The following OXNAD1 variants were observed in gnomAD, a reference collection of about 807,000 sequenced individuals.
OXNAD1 encodes oxidoreductase NAD binding domain containing 1, also known as oxidoreductase NAD-binding domain-containing protein 1.
Under a neutral mutation model 32.9 loss-of-function variants are expected in OXNAD1, and 34 were observed. The ratio of observed to expected loss-of-function variants is 1.03; its 90% CI spans 0.79 to 1.38. The LOEUF is 1.38. Ranked by LOEUF, OXNAD1 falls within the 40% of genes most tolerant of loss-of-function variation. The pLI, the probability that OXNAD1 is intolerant of heterozygous loss-of-function variation, is 0.00. For synonymous variants in OXNAD1, 134 were observed against 135.2 expected, an observed-to-expected ratio of 0.99 and a Z score of 0.06; for missense variants, 407 against 379.4, an observed-to-expected ratio of 1.07 and a Z score of -0.60.
Position 16,324,613 on chromosome 3 carries a change from A to ACCCCC in OXNAD1, c.*31-12494_*31-12490dup, listed in dbSNP as rs111849488. Among the ~76,000 whole-genome samples, 108 of 90,794 alleles carry ACCCCC rather than the reference A, an allele frequency of 1.2e-3. 8 individuals carry two copies. Among genetic ancestry groups the ACCCCC allele is most frequent in the African/African-American group, 4.3e-3 (96 of 22,456 alleles). 59.6% of individuals were successfully genotyped at this position (90,794 alleles called of 152,430 possible). A position where few individuals can be genotyped will look rare whatever the true frequency, so the allele number is the denominator to read the frequency against. The stretch of plus-strand genomic sequence containing the variant: ...TGTAATAAATAACAGAATGTCCCTG[A>ACCCCC]CCCCCCCCCTTTTAAGGTTGCATAG... On this transcript the variant is annotated intron_variant, in intron 9 of 9. Transcript: ENST00000435829.
At chr3:16,306,845 G>A (rs1321754701), downstream of OXNAD1, among the ~76,000 whole-genome samples, 1 of 152,116 alleles carries the variant, frequency 6.6e-6, no homozygotes, top group Admixed American at 6.5e-5. Flanking sequence ...TATAATGTCT[G>A]TCCCACTTTT....
rs968049803 is a variant in OXNAD1 at position 16,322,026 on chromosome 3, G to A, written c.*31-15086G>A. Among the ~76,000 whole-genome samples, 1 of 152,216 alleles carries A rather than the reference G, an allele frequency of 6.6e-6. No individual in the cohort carries two copies. Among genetic ancestry groups the A allele is most frequent in the Non-Finnish European group, 1.5e-5 (1 of 68,044 alleles). Reference sequence around the variant, plus strand: ...CTCCCTCTGTAAGGCTGCAGCGGGTGTCTGTCAGCATCTGACAGGGGCCCT... The same window carrying A: ...CTCCCTCTGTAAGGCTGCAGCGGGTATCTGTCAGCATCTGACAGGGGCCCT... On this transcript the variant is annotated intron_variant, in intron 9 of 9. Coordinates refer to the OXNAD1 transcript ENST00000435829. The surrounding 1 kb of genome is among the most constrained non-coding windows in gnomAD (Gnocchi z 6.2).
chr3:16,306,194 TTTTA>T (rs1420896545), downstream of OXNAD1: 1 of 152,218 alleles, frequency 6.6e-6, no homozygotes, highest in Non-Finnish European at 1.5e-5. Flanking sequence ...CTTTCTCAGA[TTTTA>T]TTTATATTTT....
Position 16,334,710 on chromosome 3 carries a change from C to A in OXNAD1, c.*31-2402C>A, listed in dbSNP as rs914048968. Among the ~76,000 whole-genome samples the A allele has an allele frequency of 9.9e-5, 15 of 152,166 alleles. No individual in the cohort carries two copies. Among genetic ancestry groups the A allele is most frequent in the African/African-American group, 3.1e-4 (13 of 41,430 alleles). ...ACTAAATGAAACAGCCTGTGGTAGACAGAATAATGGCCCCAAAGATGTCTA... is the reference window on the plus strand; with the variant it reads ...ACTAAATGAAACAGCCTGTGGTAGAAAGAATAATGGCCCCAAAGATGTCTA... On this transcript the variant is annotated intron_variant, in intron 9 of 9. Coordinates refer to the OXNAD1 transcript ENST00000435829. The surrounding 1 kb of genome is among the most constrained non-coding windows in gnomAD (Gnocchi z 4.3).
intron 9 of OXNAD1, among the ~76,000 whole-genome samples, chr3:16,324,492 C>T (rs1362381986): frequency 6.6e-6 from 1 of 152,082 alleles, no homozygotes; most frequent in Non-Finnish European, 1.5e-5. Flanking sequence ...TTCTATGACT[C>T]AACTTTTTTA....
In OXNAD1 at chr3:16,334,133, C is replaced by G. The variant is rs1414300592; in HGVS notation, c.*31-2979C>G. Among the ~76,000 whole-genome samples the G allele has an allele frequency of 6.6e-6, 1 of 152,136 alleles. No homozygotes were observed. Among genetic ancestry groups the G allele is most frequent in the Non-Finnish European group, 1.5e-5 (1 of 68,028 alleles). On this transcript the variant is annotated intron_variant, in intron 9 of 9. Coordinates refer to the OXNAD1 transcript ENST00000435829. The surrounding 1 kb of genome is among the most constrained non-coding windows in gnomAD (Gnocchi z 4.3). ...TGAGCCGAGATCGTGCCACTGCACT[C>G]CAGCCTGGGCGACAGAGCAAGACTC...
In OXNAD1 at chr3:16,303,823, A is replaced by C. The variant is rs760842917; in HGVS notation, c.*261A>C. 1.0e-5 allele frequency: 3 copies of C among 293,174 alleles called. No homozygotes were observed. Among genetic ancestry groups the C allele is most frequent in the Non-Finnish European group, 1.9e-5 (3 of 157,564 alleles). 18.2% of individuals were successfully genotyped at this position (293,174 alleles called of 1,614,324 possible). A position where few individuals can be genotyped will look rare whatever the true frequency, so the allele number is the denominator to read the frequency against. On this transcript the variant is annotated 3_prime_UTR_variant, in exon 9 of 9. Coordinates refer to ENST00000285083, the MANE Select transcript of OXNAD1 (RefSeq NM_138381.5). The surrounding 1 kb of genome is among the most constrained non-coding windows in gnomAD (Gnocchi z 4.8). ...CGATTTAATTGTCTCATGATGTACC[A>C]TGATTGGTCAGTATAGATTTTTCTT...
rs1364270473 is a variant in OXNAD1 at position 16,286,568 on chromosome 3, A to G, written c.290+120A>G. The G allele has an allele frequency of 1.3e-5, 10 of 782,842 alleles. No individual in the cohort carries two copies. The East Asian group carries it at 2.4e-4, about 19-fold the overall frequency. The allele number at this position is 782,842 out of a possible 1,614,324, so 48.5% of individuals were successfully genotyped here. Reference sequence around the variant, plus strand: ...CCTTGAGGAAGAGGAATTCTAAATCATATCTGCTCAGGGTGAGCCTTTGTT... The same window carrying G: ...CCTTGAGGAAGAGGAATTCTAAATCGTATCTGCTCAGGGTGAGCCTTTGTT... On this transcript the variant is annotated intron_variant, in intron 5 of 8. Coordinates refer to ENST00000285083, the MANE Select transcript of OXNAD1 (RefSeq NM_138381.5).
intron 4 of OXNAD1, chr3:16,275,472 A>G (rs1018571524): frequency 6.6e-6 from 1 of 152,410 alleles, no homozygotes; most frequent in Non-Finnish European, 1.5e-5. Context: ...AGGCTGAGGC[A>G]GGAGGATCAC....
rs1246929860 is a variant in OXNAD1 at position 16,312,423 on chromosome 3, GCAA to G, written c.*30+8836_*30+8838del. Among the ~76,000 whole-genome samples, 1 of 152,180 alleles carries G rather than the reference GCAA, an allele frequency of 6.6e-6. No individual in the cohort carries two copies. Among genetic ancestry groups the G allele is most frequent in the Non-Finnish European group, 1.5e-5 (1 of 68,032 alleles). ...AGGGCTCTTGGAAACAAGATCTGTG[GCAA>G]CAACTGGGAGTCAGTGCCGAGCTTC... On this transcript the variant is annotated intron_variant, in intron 9 of 9. Transcript: ENST00000435829. The surrounding 1 kb of genome is among the most constrained non-coding windows in gnomAD (Gnocchi z 4.7).
At chr3:16,286,747 G>C (rs1484638089) in intron 5 of OXNAD1, among the ~76,000 whole-genome samples, 2 of 152,310 alleles carry the variant, frequency 1.3e-5, no homozygotes, top group Middle Eastern at 3.4e-3. Context: ...CTGATAATTA[G>C]ACTCTTCAGG....
At chr3:16,283,034 A>T (rs1368234386) in intron 4 of OXNAD1, among the ~76,000 whole-genome samples, 2 of 152,064 alleles carry the variant, frequency 1.3e-5, no homozygotes, top group African/African-American at 4.8e-5. Context: ...GAAAGAAAAA[A>T]CATGAGCCAA....
At chr3:16,330,852 A>T (rs2070239692) in intron 9 of OXNAD1, among the ~76,000 whole-genome samples, 1 of 152,238 alleles carries the variant, frequency 6.6e-6, no homozygotes, top group Admixed American at 6.5e-5. Flanking sequence ...TCTTTTGATG[A>T]TTTAAAAGAT....
At position 16,328,511 on chromosome 3, in the gene OXNAD1, T is replaced by A. The variant is rs558192791; in HGVS notation, c.*31-8601T>A. Reference sequence around the variant, plus strand: ...CTATAACTGGACACCAGTTCCAGAGTGGCTATCAAGTCACCTGAACCCTTG... The same window carrying A: ...CTATAACTGGACACCAGTTCCAGAGAGGCTATCAAGTCACCTGAACCCTTG... On this transcript the variant is annotated intron_variant, in intron 9 of 9. Transcript: ENST00000435829. Among the ~76,000 whole-genome samples, 15 of 152,336 alleles carry A rather than the reference T, an allele frequency of 9.8e-5. No individual in the cohort carries two copies. The South Asian group carries it at 2.9e-3, about 29-fold the overall frequency.
At chr3:16,270,887 C>T in intron 2 of OXNAD1, 58 bp from the exon 3 acceptor site, 1 of 1,607,230 alleles carries the variant, frequency 6.2e-7, no homozygotes, top group South Asian at 1.1e-5. Flanking sequence ...CTAAAATAGT[C>T]TGATATTTCC....
chr3:16,345,641 C>A lies in OXNAD1; in HGVS notation c.*31-3535C>A, dbSNP rs1419556222. Among the ~76,000 whole-genome samples, 1 of 152,088 alleles carries A rather than the reference C, an allele frequency of 6.6e-6. No homozygotes were observed. The highest frequency in any genetic ancestry group is 2.4e-5 in the African/African-American group (1 of 41,406). On this transcript the variant is annotated intron_variant, in intron 9 of 9. Coordinates refer to the OXNAD1 transcript ENST00000606098. This position sits in a 1 kb window ranked among gnomAD's most constrained non-coding sequence, Gnocchi z 5.2. Reference sequence around the variant, plus strand: ...TGCTCCTGGTTCTCAGGGCTTGGGACCTGGACTGGAGTCCACACCATCAGC... The same window carrying A: ...TGCTCCTGGTTCTCAGGGCTTGGGAACTGGACTGGAGTCCACACCATCAGC...
At chr3:16,311,835 C>T (rs960067679) in intron 9 of OXNAD1, among the ~76,000 whole-genome samples, 3 of 152,194 alleles carry the variant, frequency 2.0e-5, no homozygotes, top group Non-Finnish European at 4.4e-5. Context: ...CCTATTAAGC[C>T]TTACAACAAG....
chr3:16,303,566 G>A lies in OXNAD1; in HGVS notation c.*4G>A, dbSNP rs1435065138. On this transcript the variant is annotated 3_prime_UTR_variant, in exon 9 of 9. Transcript: ENST00000285083. The surrounding 1 kb of genome is among the most constrained non-coding windows in gnomAD (Gnocchi z 4.8). ...TTGCTTTGAGAAGTGGTGGTAGGAG[G>A]CAGACAAAGGCAGAAAAAATAAAGA... The A allele has an allele frequency of 6.2e-7, 1 of 1,612,952 alleles. No homozygotes were observed. Among genetic ancestry groups the A allele is most frequent in the Non-Finnish European group, 8.5e-7 (1 of 1,179,614 alleles).
chr3:16,290,281 G>C lies in OXNAD1; in HGVS notation c.290+3833G>C, dbSNP rs1308726994. Among the ~76,000 whole-genome samples the C allele has an allele frequency of 1.3e-5, 2 of 152,184 alleles. No homozygotes were observed. Among genetic ancestry groups the C allele is most frequent in the African/African-American group, 4.8e-5 (2 of 41,454 alleles). ...ACATTTTTAAAGGTGTGTGTTTAAGGTATAATTCTTTCTTGGACAGATGTT... is the reference window on the plus strand; with the variant it reads ...ACATTTTTAAAGGTGTGTGTTTAAGCTATAATTCTTTCTTGGACAGATGTT... On this transcript the variant is annotated intron_variant, in intron 5 of 8. Coordinates refer to ENST00000285083, the MANE Select transcript of OXNAD1 (RefSeq NM_138381.5). This position sits in a 1 kb window ranked among gnomAD's most constrained non-coding sequence, Gnocchi z 4.2.
Sources: allele counts gnomAD v4.1 joint callset (sites outside exome capture counted in the v4.1 genomes callset), GRCh38; gene constraint gnomAD v4.1.1; non-coding constraint Gnocchi (gnomAD v3.1); transcripts MANE v1.5; gene names NCBI Gene and HGNC (gene_info 2026-07-23, HGNC 2026-07-21).